The following CDH18 variants were observed in gnomAD, a reference collection of about 807,000 sequenced individuals.
CDH18 encodes cadherin-18.
CDH18 carries 31 observed loss-of-function variants against 67.9 expected under a neutral mutation model. That is an observed-to-expected ratio of 0.46 (90% confidence interval 0.34 to 0.62). The LOEUF (loss-of-function observed/expected upper bound fraction) is 0.62. Among genes scored for constraint, CDH18 ranks in the 20% least tolerant of loss-of-function variants. The pLI is 0.01. For missense variants in CDH18, 890 were observed against 975.5 expected, an observed-to-expected ratio of 0.91 and a Z score of 1.17; for synonymous variants, 362 against 347.2, an observed-to-expected ratio of 1.04 and a Z score of -0.48.
intron 1 of CDH18, among the ~76,000 whole-genome samples, chr5:20,464,901 A>G (rs1031787395): frequency 2.0e-5 from 3 of 152,152 alleles, no homozygotes; most frequent in Non-Finnish European, 4.4e-5. Context: ...GAGAAAAGTT[A>G]ATAAAACTCA....
intron 6 of CDH18, among the ~76,000 whole-genome samples, chr5:19,597,292 G>A (rs757579462): frequency 9.2e-5 from 14 of 152,262 alleles, no homozygotes; most frequent in Middle Eastern, 3.4e-3. Flanking sequence ...TGAACCAAAG[G>A]CACTCATCTA....
intron 2 of CDH18, among the ~76,000 whole-genome samples, chr5:20,239,887 G>C (rs1250971427): frequency 1.3e-5 from 2 of 151,624 alleles, no homozygotes; most frequent in Non-Finnish European, 2.9e-5. Context: ...CACATGTTAT[G>C]AGGTAAAAAA....
chr5:19,745,258 G>A (rs1769831621), intron 4 of CDH18, among the ~76,000 whole-genome samples: 1 of 152,096 alleles, frequency 6.6e-6, no homozygotes, highest in Non-Finnish European at 1.5e-5. Flanking sequence ...TTACTTATTT[G>A]TTTAAAGCAA....
chr5:20,309,319 A>T (rs1001463442), intron 1 of CDH18, among the ~76,000 whole-genome samples: 21 of 152,182 alleles, frequency 1.4e-4, no homozygotes, highest in African/African-American at 4.6e-4. Flanking sequence ...CCTAGTTCAG[A>T]ATATTAATTG....
chr5:20,053,492 C>A (rs1177364654), intron 2 of CDH18, among the ~76,000 whole-genome samples: 1 of 152,050 alleles, frequency 6.6e-6, no homozygotes, highest in African/African-American at 2.4e-5. Flanking sequence ...TTTCCCCTAT[C>A]TCAGTTCATG....
chr5:20,003,086 C>A (rs1014232347), intron 2 of CDH18, among the ~76,000 whole-genome samples: 1 of 152,000 alleles, frequency 6.6e-6, no homozygotes, highest in African/African-American at 2.4e-5. Context: ...TTGCCTTTAC[C>A]AATTTTAATG....
chr5:20,101,426 C>A (rs185920469), intron 2 of CDH18, among the ~76,000 whole-genome samples: 1 of 152,114 alleles, frequency 6.6e-6, no homozygotes, highest in Non-Finnish European at 1.5e-5. Context: ...AGCTTATAAA[C>A]CTTCCAATGA....
intron 7 of CDH18, among the ~76,000 whole-genome samples, chr5:19,581,597 G>A (rs1580325925): frequency 1.3e-5 from 2 of 151,916 alleles, no homozygotes; most frequent in East Asian, 1.9e-4. Context: ...TAAGAGAAGA[G>A]ACTCTTCATG....
At chr5:20,404,028 C>T (rs764424635) in intron 1 of CDH18, among the ~76,000 whole-genome samples, 9 of 152,202 alleles carry the variant, frequency 5.9e-5, no homozygotes, top group African/African-American at 1.2e-4. Flanking sequence ...CTTCACTTTG[C>T]GTATCTCCAT....
intron 2 of CDH18, among the ~76,000 whole-genome samples, chr5:19,844,721 C>A (rs1457408347): frequency 2.0e-5 from 3 of 152,020 alleles, no homozygotes; most frequent in African/African-American, 7.2e-5. Flanking sequence ...TTTCAAGACC[C>A]AAGTATAGTG....
At chr5:20,457,748 T>A (rs903604389) in intron 1 of CDH18, among the ~76,000 whole-genome samples, 2 of 152,054 alleles carry the variant, frequency 1.3e-5, no homozygotes, top group Non-Finnish European at 2.9e-5. Flanking sequence ...TGCCTTAAGA[T>A]AACTAATGTG....
chr5:19,543,956 C>G lies in CDH18; in HGVS notation c.1303G>C (p.Ala435Pro). Residue 435 changes from alanine to proline, a missense_variant, in exon 9 of 13, where the codon GCC (alanine) becomes CCC (proline). By Grantham distance (27) the Ala-to-Pro change is conservative. Around this residue, in one of 2 missense-constraint regions of CDH18, gnomAD observed 656 missense variants for 668.1 expected, o/e 0.98. Transcript: ENST00000382275. ...GTAGTCCTAATGGTCCCAGTATTGG[C>G]ATCAATGTTGAAAAATCTGTCGTCT... is the stretch of plus-strand genomic sequence containing the variant. ...VEDDRFFNIDANTGTIRTTKV... is the reference protein window; with the variant it reads ...VEDDRFFNIDPNTGTIRTTKV... 1 of 1,594,758 alleles carries G rather than the reference C, an allele frequency of 6.3e-7. No homozygotes were observed. The highest frequency in any genetic ancestry group is 8.6e-7 in the Non-Finnish European group (1 of 1,166,096).
At chr5:19,604,643 T>C (rs1420656763) in intron 6 of CDH18, among the ~76,000 whole-genome samples, 1 of 151,886 alleles carries the variant, frequency 6.6e-6, no homozygotes, top group African/African-American at 2.4e-5. Context: ...AGCATTGTGG[T>C]TGGCTCTACG....
chr5:20,247,669 CA>C (rs1743488177), intron 2 of CDH18, among the ~76,000 whole-genome samples: 1 of 150,694 alleles, frequency 6.6e-6, no homozygotes. Flanking sequence ...GAGGCTGAGG[CA>C]GGAGAATCAC....
intron 1 of CDH18, among the ~76,000 whole-genome samples, chr5:20,520,190 T>C (rs1007063594): frequency 1.5e-4 from 23 of 151,848 alleles, no homozygotes; most frequent in African/African-American, 4.6e-4. Flanking sequence ...CATTGTTATA[T>C]AAACAACTAG....
At chr5:20,508,489 T>C (rs960633527) in intron 1 of CDH18, among the ~76,000 whole-genome samples, 1 of 151,266 alleles carries the variant, frequency 6.6e-6, no homozygotes, top group Non-Finnish European at 1.5e-5. Flanking sequence ...GTAGAGTTTA[T>C]TTTAATTGAG....
At chr5:19,747,296 C>A in intron 3 of CDH18, 60 bp from the exon 4 acceptor site, 1 of 1,348,902 alleles carries the variant, frequency 7.4e-7, no homozygotes, top group Non-Finnish European at 1.0e-6. Flanking sequence ...ACATTATGTT[C>A]TCTGAAAACT....
intron 6 of CDH18, among the ~76,000 whole-genome samples, chr5:19,600,163 G>C (rs1321999295): frequency 7.1e-6 from 1 of 139,898 alleles, no homozygotes; most frequent in African/African-American, 2.6e-5. Context: ...AGAACACTTG[G>C]ACACAGGAAG....
intron 1 of CDH18, among the ~76,000 whole-genome samples, chr5:20,519,051 T>C (rs948498204): frequency 6.6e-6 from 1 of 152,164 alleles, no homozygotes; most frequent in Non-Finnish European, 1.5e-5. Flanking sequence ...ACCCCCAGCC[T>C]GGATGATGGA....
Sources: allele counts gnomAD v4.1 joint callset (sites outside exome capture counted in the v4.1 genomes callset), GRCh38; gene constraint gnomAD v4.1.1; regional missense constraint gnomAD v4.1.1; transcripts MANE v1.5; gene names NCBI Gene and HGNC (gene_info 2026-07-23, HGNC 2026-07-21).